ADAMTS18: variants seen among roughly 807,000 people sequenced by gnomAD.
ADAMTS18 encodes the protein ADAM metallopeptidase with thrombospondin type 1 motif 18.
A neutral mutation model predicts 165.9 loss-of-function variants in ADAMTS18; 157 were observed. The observed-to-expected ratio is 0.95, with a 90% CI of 0.83 to 1.08. The LOEUF is 1.08. Among genes scored for constraint, ADAMTS18 ranks in the 50% least tolerant of loss-of-function variants. ADAMTS18 has a pLI of 0.00. For synonymous variants in ADAMTS18, 782 were observed against 578.2 expected, an observed-to-expected ratio of 1.35 and a Z score of -5.06; for missense variants, 2,040 against 1,534.0, an observed-to-expected ratio of 1.33 and a Z score of -5.51.
intron 18 of ADAMTS18, 84 bp downstream of exon 18, chr16:77,297,205 C>G: frequency 6.4e-7 from 1 of 1,557,238 alleles, no homozygotes; most frequent in Non-Finnish European, 8.9e-7. Context: ...TAGCAGTATT[C>G]ACAGTGAGCT....
chr16:77,369,189 G>A (rs1433553596), intron 3 of ADAMTS18, among the ~76,000 whole-genome samples: 2 of 151,950 alleles, frequency 1.3e-5, no homozygotes, highest in Non-Finnish European at 2.9e-5. Context: ...TATTTCTGTG[G>A]TATCAGTTAT....
chr16:77,388,921 A>T (rs943002105), intron 3 of ADAMTS18, among the ~76,000 whole-genome samples: 15 of 152,218 alleles, frequency 9.9e-5, no homozygotes, highest in Non-Finnish European at 7.3e-5. Context: ...GTGTCAAGGT[A>T]GCAACTTCTA....
At chr16:77,305,557 G>A (rs1450851938) in intron 16 of ADAMTS18, among the ~76,000 whole-genome samples, 50 of 152,328 alleles carry the variant, frequency 3.3e-4, no homozygotes, top group Non-Finnish European at 4.4e-5. Context: ...CCATGCCCAT[G>A]AAGCTAGTCC....
chr16:77,300,317 G>T lies in ADAMTS18; in HGVS notation c.2620C>A (p.Pro874Thr). ...TGCACGATACTCCAGGTATAGGCAG[G>T]TCTTTTTGTGGCTGGTGGAGTTCCA... Reference protein sequence around the residue: ...MNGTPPATKRPAYTWSIVQSE... With the variant: ...MNGTPPATKRTAYTWSIVQSE... The change falls in exon 17 of 23, where the codon CCT (proline) becomes ACT (threonine). Residue 874 changes from proline to threonine, a missense_variant. Transcript: ENST00000282849. 1 of 1,614,104 alleles carries T rather than the reference G, an allele frequency of 6.2e-7. No homozygotes were observed. The highest frequency in any genetic ancestry group is 8.5e-7 in the Non-Finnish European group (1 of 1,179,992).
intron 8 of ADAMTS18, among the ~76,000 whole-genome samples, chr16:77,357,547 G>A (rs2056649757): frequency 6.6e-6 from 1 of 152,138 alleles, no homozygotes; most frequent in South Asian, 2.1e-4. Context: ...TAAAGCACGA[G>A]AAGAAACAGC....
Position 77,364,493 on chromosome 16 carries a change from C to A in ADAMTS18, c.779-112G>T, listed in dbSNP as rs527972443. On this transcript the variant is annotated intron_variant, in intron 4 of 22. Coordinates refer to ENST00000282849, the MANE Select transcript of ADAMTS18 (RefSeq NM_199355.4). ...GAGAAACTATGTAACCAACACACCA[C>A]CAATCCACTAACAAGTGATGCTATC... 7 of 1,132,380 alleles carry A rather than the reference C, an allele frequency of 6.2e-6. No homozygotes were observed. The East Asian group carries it at 1.3e-4, about 21-fold the overall frequency. The allele number at this position is 1,132,380 out of a possible 1,614,324, so 70.1% of individuals were successfully genotyped here. A position where few individuals can be genotyped will look rare whatever the true frequency, so the allele number is the denominator to read the frequency against.
intron 12 of ADAMTS18, among the ~76,000 whole-genome samples, chr16:77,331,383 A>G (rs2056186918): frequency 6.6e-6 from 1 of 152,200 alleles, no homozygotes; most frequent in Non-Finnish European, 1.5e-5. Flanking sequence ...AAGTAATATG[A>G]TGATTTTAAC....
chr16:77,363,724 A>G, intron 6 of ADAMTS18, 78 bp downstream of exon 6: 1 of 1,293,560 alleles, frequency 7.7e-7, no homozygotes, highest in Non-Finnish European at 1.1e-6. Context: ...TACATGGATT[A>G]GTGAACACAG....
intron 3 of ADAMTS18, among the ~76,000 whole-genome samples, chr16:77,388,653 A>G (rs1037658804): frequency 1.3e-5 from 2 of 152,158 alleles, no homozygotes; most frequent in African/African-American, 4.8e-5. Context: ...ATCACTTACA[A>G]TAATGCCTGC....
At chr16:77,394,946 G>A (rs2057237436) in intron 3 of ADAMTS18, among the ~76,000 whole-genome samples, 1 of 152,144 alleles carries the variant, frequency 6.6e-6, no homozygotes, top group South Asian at 2.1e-4. Context: ...ACAAGTCCAT[G>A]TTCCTTCCAC....
At chr16:77,429,055 A>T (rs113133338) in intron 3 of ADAMTS18, among the ~76,000 whole-genome samples, 5 of 152,344 alleles carry the variant, frequency 3.3e-5, no homozygotes, top group African/African-American at 1.2e-4. Flanking sequence ...AGCTAAAAGC[A>T]GAAATACCAT....
intron 10 of ADAMTS18, among the ~76,000 whole-genome samples, chr16:77,352,082 T>C (rs536322384): frequency 2.5e-4 from 38 of 152,242 alleles, no homozygotes; most frequent in African/African-American, 8.7e-4. Context: ...GAAAGTAAGC[T>C]CCATGTGTCA....
intron 3 of ADAMTS18, among the ~76,000 whole-genome samples, chr16:77,425,650 G>A (rs1368618797): frequency 6.6e-6 from 1 of 152,196 alleles, no homozygotes; most frequent in African/African-American, 2.4e-5. Context: ...ACATGTCCAG[G>A]TACAAGTAAA....
At chr16:77,414,307 T>G (rs985665771) in intron 3 of ADAMTS18, among the ~76,000 whole-genome samples, 13 of 152,234 alleles carry the variant, frequency 8.5e-5, no homozygotes, top group Non-Finnish European at 1.5e-5. Flanking sequence ...GCTATACCTG[T>G]ACTGCCCAAG....
At chr16:77,406,952 G>A (rs2057400696) in intron 3 of ADAMTS18, among the ~76,000 whole-genome samples, 1 of 151,910 alleles carries the variant, frequency 6.6e-6, no homozygotes, top group African/African-American at 2.4e-5. Context: ...GGAGAGGAAG[G>A]GAGAAGAGAA....
chr16:77,283,429 G>C lies in ADAMTS18; in HGVS notation c.*527C>G, dbSNP rs1287758725. ...ACATAACATGAAGCTTGCCAGTCCA[G>C]CAGCAAGCACAATTGCGAGCACCAT... On this transcript the variant is annotated 3_prime_UTR_variant, in exon 23 of 23. Coordinates refer to ENST00000282849, the MANE Select transcript of ADAMTS18 (RefSeq NM_199355.4). The C allele has an allele frequency of 6.2e-6, 1 of 160,344 alleles. No homozygotes were observed. Among genetic ancestry groups the C allele is most frequent in the Non-Finnish European group, 1.4e-5 (1 of 73,092 alleles). 9.9% of individuals were successfully genotyped at this position (160,344 alleles called of 1,614,324 possible). A position where few individuals can be genotyped will look rare whatever the true frequency, so the allele number is the denominator to read the frequency against.
intron 8 of ADAMTS18, among the ~76,000 whole-genome samples, chr16:77,356,394 A>G (rs1008943512): frequency 6.6e-6 from 1 of 152,226 alleles, no homozygotes; most frequent in Non-Finnish European, 1.5e-5. Flanking sequence ...GTGATGGAAC[A>G]GCCAAATTAT....
intron 20 of ADAMTS18, among the ~76,000 whole-genome samples, chr16:77,292,751 T>A (rs1228242259): frequency 6.6e-6 from 1 of 152,168 alleles, no homozygotes; most frequent in Non-Finnish European, 1.5e-5. Context: ...GGTATCAATG[T>A]GTGCAACACA....
At position 77,363,813 on chromosome 16, in the gene ADAMTS18, C is replaced by T. The variant is rs778841341; in HGVS notation, c.1045G>A (p.Glu349Lys). The T allele has an allele frequency of 6.2e-7, 1 of 1,613,832 alleles. No homozygotes were observed. Among genetic ancestry groups the T allele is most frequent in the Non-Finnish European group, 8.5e-7 (1 of 1,179,912 alleles). ...AGTTTGCCACTTACAGGTTCTTGTTCCAGAAGAATTAGGCTCACCACAACC... is the reference window on the plus strand; with the variant it reads ...AGTTTGCCACTTACAGGTTCTTGTTTCAGAAGAATTAGGCTCACCACAACC... ...NVVVVSLILL[E>K]QEPGGLLINH... is the part of the protein sequence containing the mutation. Residue 349 changes from glutamate (E) to lysine (K), a missense_variant, in exon 6 of 23, where the codon GAA becomes AAA. Transcript: ENST00000282849.
Sources: gnomAD v4.1 joint callset for allele counts (sites outside exome capture counted in the v4.1 genomes callset) on GRCh38, gnomAD v4.1.1 for gene constraint, MANE v1.5 for transcripts, NCBI Gene and HGNC (gene_info 2026-07-23, HGNC 2026-07-21) for gene names.